The following EPB41 variants were observed in gnomAD, a reference collection of about 807,000 sequenced individuals.
EPB41 encodes erythrocyte membrane protein band 4.1.
Under a neutral mutation model 108.0 loss-of-function variants are expected in EPB41, and 65 were observed. That is an observed-to-expected ratio of 0.60 (90% CI 0.49 to 0.74). EPB41 has a LOEUF of 0.74. EPB41 is among the 30% of genes least tolerant of loss of function. The pLI, the probability that EPB41 is intolerant of heterozygous loss-of-function variation, is 0.00. For missense variants in EPB41, 875 were observed against 1,037.0 expected (o/e 0.84, Z 2.15); for synonymous variants, 336 against 358.9 (o/e 0.94, Z 0.72).
At chr1:28,923,115 T>C (rs546693413) in intron 1 of EPB41, among the ~76,000 whole-genome samples, 3 of 140,272 alleles carry the variant, frequency 2.1e-5, no homozygotes, top group South Asian at 2.3e-4. Flanking sequence ...TCTTTTCTTT[T>C]TTTTTTTTTT....
intron 1 of EPB41, among the ~76,000 whole-genome samples, chr1:28,968,956 C>G (rs2095426620): frequency 6.9e-6 from 1 of 143,960 alleles, no homozygotes; most frequent in African/African-American, 2.7e-5. Flanking sequence ...TAAAGTGATA[C>G]TCTGCCTCCA....
At chr1:29,016,414 C>T (rs1345031215) in intron 6 of EPB41, among the ~76,000 whole-genome samples, 1 of 149,836 alleles carries the variant, frequency 6.7e-6, no homozygotes, top group Non-Finnish European at 1.5e-5. Context: ...GTCTTGAACT[C>T]CTAACCTCAG....
intron 1 of EPB41, among the ~76,000 whole-genome samples, chr1:28,958,231 T>C (rs2149082385): frequency 6.6e-6 from 1 of 152,274 alleles, no homozygotes; most frequent in Non-Finnish European, 1.5e-5. Context: ...GCTTGGTCCC[T>C]TGAGCTTAGG....
intron 1 of EPB41, among the ~76,000 whole-genome samples, chr1:28,904,667 G>T (rs1051497794): frequency 6.6e-6 from 1 of 151,906 alleles, no homozygotes; most frequent in African/African-American, 2.4e-5. Context: ...GGAGGCGGAG[G>T]CGGGTGGATT....
chr1:28,904,833 A>G (rs1394115876), intron 1 of EPB41, among the ~76,000 whole-genome samples: 1 of 152,040 alleles, frequency 6.6e-6, no homozygotes, highest in African/African-American at 2.4e-5. Flanking sequence ...GGAGATCGAG[A>G]CCATCCTGGC....
intron 1 of EPB41, among the ~76,000 whole-genome samples, chr1:28,958,833 A>AAAAAC (rs2095071921): frequency 4.6e-5 from 7 of 151,902 alleles, no homozygotes; most frequent in Admixed American, 2.6e-4. Flanking sequence ...AAAAAAAAAA[A>AAAAAC]AAAAAAAGAA....
intron 1 of EPB41, chr1:28,902,425 G>A (rs1045538930): frequency 2.1e-6 from 2 of 973,042 alleles, no homozygotes; most frequent in African/African-American, 3.5e-5. Flanking sequence ...TGAGCTTTTT[G>A]TTTTTCAGCA....
Position 28,997,186 on chromosome 1 carries a change from A to G in EPB41, c.682-29A>G, listed in dbSNP as rs1346283113. On this transcript the variant is annotated intron_variant, in intron 3 of 20. Coordinates refer to ENST00000343067, the MANE Select transcript of EPB41 (RefSeq NM_001376013.1). ...AAAAATAAAAGAAGAAGAAACCTCA[A>G]CTCAACTAAGTCACGTATATCTTTG... is the stretch of plus-strand genomic sequence containing the variant. The G allele has an allele frequency of 4.0e-6, 6 of 1,508,202 alleles. No homozygotes were observed. In the South Asian group the frequency reaches 5.6e-5, roughly 14 times the overall value. The allele number at this position is 1,508,202 out of a possible 1,614,324, so 93.4% of individuals were successfully genotyped here.
chr1:28,977,496 G>A (rs1557885017), intron 1 of EPB41, among the ~76,000 whole-genome samples: 2 of 151,634 alleles, frequency 1.3e-5, no homozygotes, highest in African/African-American at 4.9e-5. Flanking sequence ...AATTCATAGG[G>A]TTTTGAGGAT....
intron 5 of EPB41, among the ~76,000 whole-genome samples, chr1:29,015,312 C>T (rs928963812): frequency 6.6e-6 from 1 of 152,098 alleles, no homozygotes; most frequent in South Asian, 2.1e-4. Context: ...AATCCCAGCA[C>T]TTTGGGAGGC....
At chr1:28,954,882 G>A (rs550215319) in intron 1 of EPB41, among the ~76,000 whole-genome samples, 32 of 152,278 alleles carry the variant, frequency 2.1e-4, no homozygotes, top group African/African-American at 7.5e-4. Flanking sequence ...CGTGTGATAC[G>A]AGTTATAATT....
rs2089566674 is a variant in EPB41 at position 28,887,575 on chromosome 1, T to C, written c.-8+365T>C. 10 of 985,080 alleles carry C rather than the reference T, an allele frequency of 1.0e-5. No individual in the cohort carries two copies. Among genetic ancestry groups the C allele is most frequent in the Non-Finnish European group, 1.2e-5 (10 of 829,772 alleles). 61.0% of individuals were successfully genotyped at this position (985,080 alleles called of 1,614,324 possible). The stretch of plus-strand genomic sequence containing the variant: ...GTCGGCGCAGCCCCCGGCCGCCCCC[T>C]AGCCCCGCCTTGCCCGGCCCCGCAT... On this transcript the variant is annotated intron_variant, in intron 1 of 16. Coordinates refer to the EPB41 transcript ENST00000347529. The surrounding 1 kb of genome is among the most constrained non-coding windows in gnomAD (Gnocchi z 4.9).
At chr1:28,988,120 G>A (rs2095911578) in intron 2 of EPB41, among the ~76,000 whole-genome samples, 1 of 152,068 alleles carries the variant, frequency 6.6e-6, no homozygotes, top group East Asian at 1.9e-4. Context: ...AAAATTAGCC[G>A]GGCCTGATGG....
intron 2 of EPB41, among the ~76,000 whole-genome samples, chr1:28,988,803 C>T (rs2095935148): frequency 6.6e-6 from 1 of 152,204 alleles, no homozygotes. Context: ...CCTCCCACCT[C>T]AGCCTCCTGA....
At chr1:28,999,238 C>A (rs757901110) in intron 4 of EPB41, among the ~76,000 whole-genome samples, 1 of 152,240 alleles carries the variant, frequency 6.6e-6, no homozygotes, top group African/African-American at 2.4e-5. Flanking sequence ...GGCATGGTGG[C>A]GGGCGCCTGT....
chr1:29,080,033 A>G (rs567716264), intron 16 of EPB41, among the ~76,000 whole-genome samples: 1 of 152,188 alleles, frequency 6.6e-6, no homozygotes, highest in East Asian at 1.9e-4. Flanking sequence ...CTCTGAGGAG[A>G]ATTCCCCAAT....
chr1:28,974,627 G>T (rs1222967256), intron 1 of EPB41, among the ~76,000 whole-genome samples: 1 of 152,138 alleles, frequency 6.6e-6, no homozygotes, highest in Non-Finnish European at 1.5e-5. Flanking sequence ...AATGGAGAAG[G>T]CTAAGAGAAG....
chr1:29,049,060 A>C (rs936950979), intron 11 of EPB41, among the ~76,000 whole-genome samples: 17 of 152,260 alleles, frequency 1.1e-4, no homozygotes, highest in Admixed American at 2.6e-4. Flanking sequence ...GAATTGCTTT[A>C]TAAGGGGTCT....
rs548911143 is a variant in EPB41 at position 28,972,815 on chromosome 1, G to A, written c.-7-14616G>A. ...GACATGGTCTCACTATGCTGCCCAG[G>A]CTGGTTTCAAACTCCTGGGCTCAAG... On this transcript the variant is annotated intron_variant, in intron 1 of 20. Coordinates refer to ENST00000343067, the MANE Select transcript of EPB41 (RefSeq NM_001376013.1). Among the ~76,000 whole-genome samples, 267 of 151,754 alleles carry A rather than the reference G, an allele frequency of 1.8e-3. 1 individual carries two copies. The highest frequency in any genetic ancestry group is 6.3e-3 in the African/African-American group (259 of 41,352).
Sources: allele counts gnomAD v4.1 joint callset (sites outside exome capture counted in the v4.1 genomes callset), GRCh38; gene constraint gnomAD v4.1.1; non-coding constraint Gnocchi (gnomAD v3.1); transcripts MANE v1.5; gene names NCBI Gene and HGNC (gene_info 2026-07-23, HGNC 2026-07-21).